The following ZNF426 variants were observed in gnomAD, a reference collection of about 807,000 sequenced individuals.
The protein encoded by ZNF426 is CTC-543D15.7.
A neutral mutation model predicts 24.0 loss-of-function variants in ZNF426; 23 were observed. The observed-to-expected ratio is 0.96, with a 90% CI of 0.69 to 1.36. The LOEUF (loss-of-function observed/expected upper bound fraction) is 1.36. Among genes scored for constraint, ZNF426 ranks in the 40% most tolerant of loss-of-function variants. The pLI is 0.00. For synonymous variants in ZNF426, 272 were observed against 224.6 expected (o/e 1.21, Z -1.89); for missense variants, 646 against 658.4 (o/e 0.98, Z 0.21).
At chr19:9,530,337 C>T (rs7351074) in intron 7 of ZNF426, among the ~76,000 whole-genome samples, 65,090 of 151,798 alleles carry the variant, frequency 0.43, 15,933 homozygotes, top group Non-Finnish European at 0.55. Flanking sequence ...TTCCTGTAGT[C>T]CCAACCACAT....
rs2073772433 is a variant in ZNF426, at chr19:9,524,544, G to A, written c.*3836C>T. ...TGCCTGTAATCTCAGCACTTTGGGA[G>A]GTCAAACCAGGCAGATCACTGGAGG... is the stretch of plus-strand genomic sequence containing the variant. On this transcript the variant is annotated 3_prime_UTR_variant, in exon 8 of 8. Coordinates refer to ENST00000253115, the MANE Select transcript of ZNF426 (RefSeq NM_024106.3). 2 of 152,134 alleles carry A rather than the reference G, an allele frequency of 1.3e-5. No individual in the cohort carries two copies. The highest frequency in any genetic ancestry group is 6.6e-5 in the Admixed American group (1 of 15,260). The allele number at this position is 152,134 out of a possible 1,614,324, so 9.4% of individuals were successfully genotyped here.
chr19:9,533,787 G>A, intron 5 of ZNF426, 53 bp downstream of exon 5: 3 of 1,610,420 alleles, frequency 1.9e-6, no homozygotes, highest in Non-Finnish European at 2.5e-6. Flanking sequence ...AAAACAGTAA[G>A]TACAAAACAT....
rs1241088048 is a variant in ZNF426 at position 9,533,984 on chromosome 19, T to C, written c.118-18A>G. 1.2e-6 allele frequency: 2 copies of C among 1,610,358 alleles called. No individual in the cohort carries two copies. Among genetic ancestry groups the C allele is most frequent in the Admixed American group, 3.4e-5 (2 of 59,044 alleles). The stretch of plus-strand genomic sequence containing the variant: ...ACTGAATCCTAAAGCATCACACACA[T>C]GCTGGTTGGAGCCAAGTAACAAGCC... On this transcript the variant is annotated intron_variant, in intron 4 of 7. Transcript: ENST00000253115.
intron 6 of ZNF426, 104 bp downstream of exon 6, chr19:9,532,741 G>C: frequency 3.8e-6 from 3 of 785,496 alleles, no homozygotes; most frequent in Non-Finnish European, 6.4e-6. Flanking sequence ...TAAACCTTGG[G>C]GTTTAGAGTG....
chr19:9,535,591 G>A (rs754361499), intron 3 of ZNF426, among the ~76,000 whole-genome samples: 1 of 152,152 alleles, frequency 6.6e-6, no homozygotes, highest in Non-Finnish European at 1.5e-5. Flanking sequence ...TGGGGAAGCT[G>A]AGGCAAGAAG....
rs972744561 is a variant in ZNF426, at chr19:9,526,167, C to G, written c.*2213G>C. On this transcript the variant is annotated 3_prime_UTR_variant, in exon 8 of 8. Transcript: ENST00000253115. ...TAGAATGCTGCCCCTCTCCCCACAG[C>G]TTATCATGATTACTAGAGGCCTGCT... 1 of 151,366 alleles carries G rather than the reference C, an allele frequency of 6.6e-6. No homozygotes were observed. Among genetic ancestry groups the G allele is most frequent in the Non-Finnish European group, 1.5e-5 (1 of 67,976 alleles). The allele number at this position is 151,366 out of a possible 1,614,324, so 9.4% of individuals were successfully genotyped here. A position where few individuals can be genotyped will look rare whatever the true frequency, so the allele number is the denominator to read the frequency against.
At position 9,528,376 on chromosome 19, in the gene ZNF426, C is replaced by T; in HGVS notation, c.*4G>A. The T allele has an allele frequency of 6.4e-7, 1 of 1,563,498 alleles. No individual in the cohort carries two copies. On this transcript the variant is annotated 3_prime_UTR_variant, in exon 8 of 8. Transcript: ENST00000253115. ...CCCACATTTATTACATGGACAGTTT[C>T]TCACTAGTGAATTTGTTCATGTCTT... is the stretch of plus-strand genomic sequence containing the variant.
At chr19:9,536,029 A>G (rs1399201418) in intron 3 of ZNF426, among the ~76,000 whole-genome samples, 179 bp downstream of exon 3, 1 of 152,164 alleles carries the variant, frequency 6.6e-6, no homozygotes. Flanking sequence ...GAAGGAGATT[A>G]TGCAGTACCT....
In ZNF426 at chr19:9,533,897, G is replaced by C. The variant is rs2144775249; in HGVS notation, c.187C>G (p.Gln63Glu). The change falls in exon 5 of 8, where the codon CAG becomes GAG. Residue 63 changes from glutamine (Q) to glutamate (E), a missense_variant. Transcript: ENST00000253115. ...ATCACGTCACTGTAGAGGCTTCTCT[G>C]AGTTGAGTCCAGTAAAGTCCACTCC... ...QEEWTLLDST[Q>E]RSLYSDVMLE... 1 of 1,614,148 alleles carries C rather than the reference G, an allele frequency of 6.2e-7. No homozygotes were observed. Among genetic ancestry groups the C allele is most frequent in the East Asian group, 2.2e-5 (1 of 44,872 alleles).
intron 2 of ZNF426, 141 bp downstream of exon 2, chr19:9,538,118 T>A (rs2073996002): frequency 6.6e-6 from 1 of 152,176 alleles, no homozygotes; most frequent in Admixed American, 6.5e-5. Context: ...CTAAAAAGCA[T>A]CTTTATCTTT....
At chr19:9,535,340 T>A in intron 3 of ZNF426, 61 bp from the exon 4 acceptor site, 1 of 1,192,236 alleles carries the variant, frequency 8.4e-7, no homozygotes, top group Non-Finnish European at 1.2e-6. Context: ...TCCACCTACC[T>A]AGAGGTCATT....
At position 9,536,342 on chromosome 19, in the gene ZNF426, G is replaced by C. The variant is rs1329585038; in HGVS notation, c.-110C>G. ...GGCAATCTCCATTCCTCTTTAAACA[G>C]GGTTATTGGGATTCCTGTTGGTATT... is the stretch of plus-strand genomic sequence containing the variant. On this transcript the variant is annotated 5_prime_UTR_variant, in exon 3 of 8. Transcript: ENST00000253115. 5 of 1,603,254 alleles carry C rather than the reference G, an allele frequency of 3.1e-6. No homozygotes were observed. The highest frequency in any genetic ancestry group is 2.2e-5 in the East Asian group (1 of 44,700).
At chr19:9,533,444 A>T (rs539419451) in intron 5 of ZNF426, among the ~76,000 whole-genome samples, 1 of 152,364 alleles carries the variant, frequency 6.6e-6, no homozygotes, top group East Asian at 1.9e-4. Flanking sequence ...TGACAGAGTG[A>T]AACTGTCTCA....
chr19:9,528,607 G>A lies in ZNF426; in HGVS notation c.1438C>T (p.Gln480Ter). 1.2e-6 allele frequency: 2 copies of A among 1,613,732 alleles called. No individual in the cohort carries two copies. Among genetic ancestry groups the A allele is most frequent in the South Asian group, 2.2e-5 (2 of 91,062 alleles). ...GAATGACTGAAGGCCTTTCCACATT[G>A]TTTACACTCATAGGGTTTTTCTCCA... is the stretch of plus-strand genomic sequence containing the variant. ...HTGEKPYECK[Q>*]CGKAFSHSSS... Residue 480 changes from glutamine (Q) to a stop codon, truncating the protein, a stop_gained, in exon 8 of 8, where the codon CAA (glutamine) becomes TAA (stop). Coordinates refer to ENST00000253115, the MANE Select transcript of ZNF426 (RefSeq NM_024106.3). LOFTEE classifies it low-confidence loss of function (END_TRUNC).
Position 9,527,319 on chromosome 19 carries a change from AT to A in ZNF426, c.*1060del, listed in dbSNP as rs1402329228. Reference sequence around the variant, plus strand: ...TTACACCTTCTAGAAGGTAGAAAACATTAATGTAAGCTTTTCCACAATCCTA... The same window carrying A: ...TTACACCTTCTAGAAGGTAGAAAACATAATGTAAGCTTTTCCACAATCCTA... On this transcript the variant is annotated 3_prime_UTR_variant, in exon 8 of 8. Transcript: ENST00000253115. 1.3e-5 allele frequency: 2 copies of A among 152,214 alleles called. No individual in the cohort carries two copies. Among genetic ancestry groups the A allele is most frequent in the African/African-American group, 4.8e-5 (2 of 41,440 alleles). 9.4% of individuals were successfully genotyped at this position (152,214 alleles called of 1,614,324 possible). A position where few individuals can be genotyped will look rare whatever the true frequency, so the allele number is the denominator to read the frequency against.
At chr19:9,533,758 T>C (rs1034898416) in intron 5 of ZNF426, 82 bp downstream of exon 5, 16 of 1,571,498 alleles carry the variant, frequency 1.0e-5, no homozygotes, top group Non-Finnish European at 1.4e-5. Context: ...GCATTCAGAG[T>C]TGACATTGCC....
At chr19:9,531,439 G>A (rs1212607093) in intron 6 of ZNF426, among the ~76,000 whole-genome samples, 2 of 152,064 alleles carry the variant, frequency 1.3e-5, no homozygotes, top group African/African-American at 2.4e-5. Context: ...AAAACAATAT[G>A]GCTTATTTCT....
Position 9,529,001 on chromosome 19 carries a change from G to A in ZNF426, c.1044C>T (p.Tyr348=), listed in dbSNP as rs2073838005. The A allele has an allele frequency of 6.2e-7, 1 of 1,613,726 alleles. No individual in the cohort carries two copies. ...CKECGKAFTQ[Y]SGLSMHVRSH... ...ATCGTACATGCATACTAAGGCCCGA[G>A]TACTGAGTGAAGGCTTTCCCACATT... is the stretch of plus-strand genomic sequence containing the variant. The change falls in exon 8 of 8, where the codon TAC becomes TAT. Residue 348 remains tyrosine, a synonymous_variant. Transcript: ENST00000253115.
chr19:9,533,934 G>C lies in ZNF426; in HGVS notation c.150C>G (p.Asp50Glu). 1 of 1,614,026 alleles carries C rather than the reference G, an allele frequency of 6.2e-7. No homozygotes were observed. The highest frequency in any genetic ancestry group is 8.5e-7 in the Non-Finnish European group (1 of 1,179,954). Residue 50 changes from aspartate to glutamate, a missense_variant, in exon 5 of 8, where the codon GAC (aspartate) becomes GAG (glutamate). By Grantham distance (45) the Asp-to-Glu change is conservative (BLOSUM62 2). Transcript: ENST00000253115. The stretch of plus-strand genomic sequence containing the variant: ...GTAAAGTCCACTCCTCCTGGGTGAA[G>C]TCCACAGCCACATCGTCAAAGGTCA... ...DSVTFDDVAVDFTQEEWTLLD... is the reference protein window; with the variant it reads ...DSVTFDDVAVEFTQEEWTLLD...
Sources: allele counts gnomAD v4.1 joint callset (sites outside exome capture counted in the v4.1 genomes callset), GRCh38; gene constraint gnomAD v4.1.1; transcripts MANE v1.5; gene names NCBI Gene and HGNC (gene_info 2026-07-23, HGNC 2026-07-21).